The following FBXO31 variants were observed in gnomAD, a reference collection of about 807,000 sequenced individuals.
The protein encoded by FBXO31 is F-box protein 31.
A neutral mutation model predicts 54.4 loss-of-function variants in FBXO31; 24 were observed. The ratio of observed to expected loss-of-function variants is 0.44; its 90% confidence interval spans 0.32 to 0.62. The LOEUF is 0.62. FBXO31 is among the 20% of genes least tolerant of loss of function. The probability of loss-of-function intolerance (pLI) is 0.05; values close to 1 mark genes in which losing one functional copy is unlikely to be tolerated. For synonymous variants in FBXO31, 388 were observed against 335.6 expected, an observed-to-expected ratio of 1.16 and a Z score of -1.71; for missense variants, 665 against 787.1, an observed-to-expected ratio of 0.84 and a Z score of 1.86.
At chr16:87,390,544 G>A (rs1006720309), upstream of FBXO31, among the ~76,000 whole-genome samples, 1 of 151,478 alleles carries the variant, frequency 6.6e-6, no homozygotes, top group African/African-American at 2.4e-5. Flanking sequence ...GGTTTCAAGC[G>A]ATTCTCCTGC....
At position 87,347,207 on chromosome 16, in the gene FBXO31, A is replaced by T. The variant is rs765571669; in HGVS notation, c.456T>A (p.Asp152Glu). ...YRHILGLWQP[D>E]IGPYGGLLNV... is the part of the protein sequence containing the mutation. ...TCAGCAGTCCTCCGTATGGCCCGAT[A>T]TCTGGCTGCCACAATCCCAAAATGT... The change falls in exon 3 of 9, where the codon GAT becomes GAA. Residue 152 changes from aspartate (D) to glutamate (E), a missense_variant. Physicochemically the swap from Asp to Glu is conservative, Grantham distance 45 (BLOSUM62 2). Transcript: ENST00000311635. 6.2e-7 allele frequency: 1 copy of T among 1,614,134 alleles called. No individual in the cohort carries two copies.
intron 1 of FBXO31, among the ~76,000 whole-genome samples, chr16:87,381,182 C>T (rs545402624): frequency 9.9e-5 from 15 of 152,092 alleles, no homozygotes; most frequent in Non-Finnish European, 2.2e-4. Flanking sequence ...ACTTCACTTT[C>T]CATGTACATG....
At chr16:87,337,973 G>C (rs779594698) in intron 5 of FBXO31, among the ~76,000 whole-genome samples, 2 of 152,192 alleles carry the variant, frequency 1.3e-5, no homozygotes, top group Non-Finnish European at 2.9e-5. Context: ...CTGAGTGGCT[G>C]AACTTGAGGA....
chr16:87,327,575 G>A lies in FBXO31; in HGVS notation c.*3713C>T, dbSNP rs1003554618. 3.3e-5 allele frequency: 5 copies of A among 152,300 alleles called. No homozygotes were observed. Among genetic ancestry groups the A allele is most frequent in the African/African-American group, 1.2e-4 (5 of 41,458 alleles). 9.4% of individuals were successfully genotyped at this position (152,300 alleles called of 1,614,324 possible). A position where few individuals can be genotyped will look rare whatever the true frequency, so the allele number is the denominator to read the frequency against. ...GGAGGCTAAGGCGGGCAGACAGCTT[G>A]AGCCTAGTAGGTTGAGGCCTCAGGG... On this transcript the variant is annotated 3_prime_UTR_variant, in exon 9 of 9. Coordinates refer to ENST00000311635, the MANE Select transcript of FBXO31 (RefSeq NM_024735.5).
chr16:87,353,144 G>T (rs547905769), intron 2 of FBXO31, among the ~76,000 whole-genome samples: 1 of 152,302 alleles, frequency 6.6e-6, no homozygotes, highest in East Asian at 1.9e-4. Context: ...TCCCCGCCTT[G>T]TCCAGCTTCC....
At chr16:87,387,325 G>T (rs533950059), upstream of FBXO31, among the ~76,000 whole-genome samples, 2 of 152,084 alleles carry the variant, frequency 1.3e-5, no homozygotes, top group Non-Finnish European at 2.9e-5. Context: ...AGGAAGGTGC[G>T]TGCATTCTAA....
chr16:87,391,575 C>G (rs1452966837), upstream of FBXO31: 2 of 152,310 alleles, frequency 1.3e-5, no homozygotes, highest in Non-Finnish European at 2.9e-5. Flanking sequence ...CACAGACGAC[C>G]TAACGGTAGG....
At chr16:87,362,625 A>G (rs992979751) in intron 1 of FBXO31, 10 of 152,510 alleles carry the variant, frequency 6.6e-5, no homozygotes, top group Middle Eastern at 3.4e-3. Flanking sequence ...CACTGGTGCA[A>G]TCTCGGGTCA....
chr16:87,345,267 C>T lies in FBXO31; in HGVS notation c.490-1502G>A, dbSNP rs560150808. On this transcript the variant is annotated intron_variant, in intron 3 of 8. Coordinates refer to ENST00000311635, the MANE Select transcript of FBXO31 (RefSeq NM_024735.5). This position sits in a 1 kb window ranked among gnomAD's most constrained non-coding sequence, Gnocchi z 4.9. ...GGCCAGCTGCCTGCCCAGAGCTCAA[C>T]AAAGTCAGGGCGGGGCTTTCCGGAA... is the stretch of plus-strand genomic sequence containing the variant. 6.7e-6 allele frequency among the ~76,000 whole-genome samples: 1 copy of T among 149,438 alleles called. No individual in the cohort carries two copies. Among genetic ancestry groups the T allele is most frequent in the South Asian group, 2.1e-4 (1 of 4,728 alleles).
At chr16:87,368,476 A>T (rs75152271) in intron 1 of FBXO31, among the ~76,000 whole-genome samples, 2,006 of 152,294 alleles carry the variant, frequency 0.013, 11 homozygotes, top group Non-Finnish European at 0.018. Flanking sequence ...CTGGCAAGTG[A>T]TAACTCCCAT....
chr16:87,372,411 T>C (rs1474595146), intron 1 of FBXO31, among the ~76,000 whole-genome samples: 1 of 152,164 alleles, frequency 6.6e-6, no homozygotes, highest in African/African-American at 2.4e-5. Context: ...CCCCACTGTA[T>C]GTCAGGACAC....
chr16:87,346,030 G>T lies in FBXO31; in HGVS notation c.489+1144C>A, dbSNP rs1219833834. Among the ~76,000 whole-genome samples, 1 of 152,262 alleles carries T rather than the reference G, an allele frequency of 6.6e-6. No individual in the cohort carries two copies. Among genetic ancestry groups the T allele is most frequent in the East Asian group, 1.9e-4 (1 of 5,194 alleles). ...AGGGAAGCAGAGTGGCTGCTGAGAGGAGAAGGGGCCAAGCGAAGCGTGACT... is the reference window on the plus strand; with the variant it reads ...AGGGAAGCAGAGTGGCTGCTGAGAGTAGAAGGGGCCAAGCGAAGCGTGACT... On this transcript the variant is annotated intron_variant, in intron 3 of 8. Coordinates refer to ENST00000311635, the MANE Select transcript of FBXO31 (RefSeq NM_024735.5). The surrounding 1 kb of genome is among the most constrained non-coding windows in gnomAD (Gnocchi z 4.2).
At chr16:87,332,387 C>G (rs114799151) in intron 8 of FBXO31, among the ~76,000 whole-genome samples, 59 of 152,360 alleles carry the variant, frequency 3.9e-4, no homozygotes, top group African/African-American at 1.4e-3. Context: ...GGAGGCTGGA[C>G]AGGTCTTCCT....
intron 1 of FBXO31, among the ~76,000 whole-genome samples, chr16:87,363,125 C>T (rs1301057360): frequency 2.0e-5 from 3 of 152,106 alleles, no homozygotes; most frequent in Admixed American, 2.0e-4. Flanking sequence ...TGGCTCATGC[C>T]TGTAATCCCA....
At chr16:87,387,694 C>T (rs1435275487), upstream of FBXO31, among the ~76,000 whole-genome samples, 3 of 152,194 alleles carry the variant, frequency 2.0e-5, no homozygotes, top group Non-Finnish European at 2.9e-5. Context: ...ATAGTCCCAG[C>T]TACTCAGGAG....
intron 1 of FBXO31, chr16:87,367,145 G>A (rs1403381529): frequency 3.3e-5 from 5 of 152,156 alleles, no homozygotes; most frequent in Non-Finnish European, 7.3e-5. Context: ...ACTCCAGCCT[G>A]GGCAACACAG....
At position 87,349,709 on chromosome 16, in the gene FBXO31, GAA is replaced by G. The variant is rs59578146; in HGVS notation, c.413-2461_413-2460del. 1.6e-4 allele frequency among the ~76,000 whole-genome samples: 21 copies of G among 135,324 alleles called. 1 individual carries two copies. Among genetic ancestry groups the G allele is most frequent in the African/African-American group, 2.1e-4 (8 of 37,260 alleles). The allele number at this position is 135,324 out of a possible 152,430, so 88.8% of individuals were successfully genotyped here. ...TGGGCAACAGAGCAAGACTCCATCT[GAA>G]AAAAAAAAAAAATCAACTGGATCAG... On this transcript the variant is annotated intron_variant, in intron 2 of 8. Coordinates refer to ENST00000311635, the MANE Select transcript of FBXO31 (RefSeq NM_024735.5).
chr16:87,335,183 G>A lies in FBXO31; in HGVS notation c.996+121C>T. The A allele has an allele frequency of 2.1e-6, 3 of 1,415,468 alleles. No homozygotes were observed. The highest frequency in any genetic ancestry group is 2.9e-6 in the Non-Finnish European group (3 of 1,022,770). 87.7% of individuals were successfully genotyped at this position (1,415,468 alleles called of 1,614,324 possible). A position where few individuals can be genotyped will look rare whatever the true frequency, so the allele number is the denominator to read the frequency against. ...TTCCCAAGCTCCCGGGGCTGCAGGT[G>A]CAAGCCCACTCTGAGGAGCAAGGGT... is the stretch of plus-strand genomic sequence containing the variant. On this transcript the variant is annotated intron_variant, in intron 7 of 8. Coordinates refer to ENST00000311635, the MANE Select transcript of FBXO31 (RefSeq NM_024735.5). The surrounding 1 kb of genome is among the most constrained non-coding windows in gnomAD (Gnocchi z 5.7).
At chr16:87,349,131 A>G (rs1905528099) in intron 2 of FBXO31, among the ~76,000 whole-genome samples, 1 of 152,246 alleles carries the variant, frequency 6.6e-6, no homozygotes, top group Admixed American at 6.5e-5. Flanking sequence ...CTAATCATCA[A>G]TAATGTCATC....
Sources: allele counts gnomAD v4.1 joint callset (sites outside exome capture counted in the v4.1 genomes callset), GRCh38; gene constraint gnomAD v4.1.1; non-coding constraint Gnocchi (gnomAD v3.1); transcripts MANE v1.5; gene names NCBI Gene and HGNC (gene_info 2026-07-23, HGNC 2026-07-21).